The following RERE variants were observed in gnomAD, a reference collection of about 807,000 sequenced individuals.
RERE encodes the protein arginine-glutamic acid dipeptide repeats protein.
A neutral mutation model predicts 146.1 loss-of-function variants in RERE; 40 were observed. That is an observed-to-expected ratio of 0.27 (90% confidence interval 0.21 to 0.36). The LOEUF is 0.36. RERE is among the 10% of genes least tolerant of loss of function. The pLI is 1.00. For synonymous variants in RERE, 1,003 were observed against 866.0 expected, an observed-to-expected ratio of 1.16 and a Z score of -2.78; for missense variants, 1,933 against 2,138.7, an observed-to-expected ratio of 0.90 and a Z score of 1.90.
intron 1 of RERE, among the ~76,000 whole-genome samples, chr1:8,784,040 T>C (rs542532451): frequency 6.6e-6 from 1 of 152,290 alleles, no homozygotes; most frequent in South Asian, 2.1e-4. Flanking sequence ...GCACAATAAA[T>C]GTCTGTTGTG....
At chr1:8,597,174 G>C (rs1196969065) in intron 4 of RERE, among the ~76,000 whole-genome samples, 1 of 151,312 alleles carries the variant, frequency 6.6e-6, no homozygotes, top group East Asian at 1.9e-4. Flanking sequence ...TGCAGCCTCA[G>C]CATCCCAGGT....
At chr1:8,666,405 C>T (rs926843026) in intron 1 of RERE, among the ~76,000 whole-genome samples, 2 of 152,256 alleles carry the variant, frequency 1.3e-5, no homozygotes, top group African/African-American at 4.8e-5. Context: ...GGAAGACCTA[C>T]ATGAACATCT....
rs200458004 is a variant in RERE at position 8,588,956 on chromosome 1, TCTA to T, written c.522+25602_522+25604del. The stretch of plus-strand genomic sequence containing the variant: ...CTGGCCAACATGGTGAAACCCCATC[TCTA>T]CTAAAAATACAAACATCAGCTGGGT... On this transcript the variant is annotated intron_variant, in intron 4 of 22. Coordinates refer to ENST00000400908, the MANE Select transcript of RERE (RefSeq NM_001042681.2). 8.9e-4 allele frequency among the ~76,000 whole-genome samples: 135 copies of T among 151,836 alleles called. 5 individuals carry two copies. The East Asian group carries it at 0.025, about 29-fold the overall frequency.
intron 10 of RERE, among the ~76,000 whole-genome samples, chr1:8,467,779 G>T (rs1359474828): frequency 6.6e-6 from 1 of 152,076 alleles, no homozygotes; most frequent in Non-Finnish European, 1.5e-5. Context: ...TGAGTAGCTG[G>T]GATTACAGGC....
chr1:8,752,226 C>A (rs1412008321), intron 1 of RERE, among the ~76,000 whole-genome samples: 1 of 152,076 alleles, frequency 6.6e-6, no homozygotes, highest in African/African-American at 2.4e-5. Context: ...TTCACTATCA[C>A]CCAGAAGGCG....
intron 4 of RERE, among the ~76,000 whole-genome samples, chr1:8,581,039 G>C (rs1441353669): frequency 6.6e-6 from 1 of 152,108 alleles, no homozygotes; most frequent in Non-Finnish European, 1.5e-5. Context: ...TCATAGGGCA[G>C]ATTCATATTT....
At chr1:8,771,126 T>G (rs1304925621) in intron 1 of RERE, among the ~76,000 whole-genome samples, 2 of 151,452 alleles carry the variant, frequency 1.3e-5, no homozygotes, top group Non-Finnish European at 2.9e-5. Flanking sequence ...ACCCACCTGC[T>G]GGGGGGGGAA....
intron 12 of RERE, among the ~76,000 whole-genome samples, chr1:8,412,030 GGAA>G (rs1473264557): frequency 1.3e-5 from 2 of 152,180 alleles, no homozygotes; most frequent in Non-Finnish European, 2.9e-5. Context: ...AGCACTTGTG[GGAA>G]GAAGAACCAA....
intron 2 of RERE, among the ~76,000 whole-genome samples, chr1:8,650,906 A>T (rs1005315242): frequency 9.0e-5 from 13 of 143,972 alleles, no homozygotes; most frequent in Non-Finnish European, 1.7e-4. Flanking sequence ...AAAAAAAAAT[A>T]AAAATTAAAT....
At position 8,360,507 on chromosome 1, in the gene RERE, C is replaced by T. The variant is rs750196880; in HGVS notation, c.3000G>A (p.Ser1000=). The change falls in exon 18 of 23, where the codon TCG becomes TCA. Residue 1000 remains serine (S), a synonymous_variant. Coordinates refer to ENST00000400908, the MANE Select transcript of RERE (RefSeq NM_001042681.2). ...LMPQSQPLPS[S]PAQPPGLTQS... ...GGGTCAGCCCGGGGGGCTGGGCGGG[C>T]GAGGAGGGCAATGGCTGGCTCTGAG... 79 of 1,303,440 alleles carry T rather than the reference C, an allele frequency of 6.1e-5. No homozygotes were observed. The highest frequency in any genetic ancestry group is 5.8e-5 in the Non-Finnish European group (58 of 1,007,214). The allele number at this position is 1,303,440 out of a possible 1,614,324, so 80.7% of individuals were successfully genotyped here.
At chr1:8,786,781 T>G (rs1641267285) in intron 1 of RERE, 3 of 796,020 alleles carry the variant, frequency 3.8e-6, no homozygotes, top group Non-Finnish European at 4.5e-6. Context: ...GCACTATGCT[T>G]TTTCATAAAT....
intron 1 of RERE, chr1:8,798,413 A>T (rs919063904): frequency 1.3e-5 from 2 of 152,720 alleles, no homozygotes; most frequent in African/African-American, 4.8e-5. Context: ...AAAAAAATAA[A>T]AATAAAAATA....
intron 1 of RERE, among the ~76,000 whole-genome samples, chr1:8,721,953 A>G (rs981821311): frequency 2.0e-5 from 3 of 152,182 alleles, no homozygotes; most frequent in Non-Finnish European, 4.4e-5. Context: ...TGCAGATACT[A>G]CTTTTTCTCA....
At chr1:8,786,143 C>G (rs535539467) in intron 1 of RERE, 14 of 505,422 alleles carry the variant, frequency 2.8e-5, no homozygotes, top group African/African-American at 2.4e-4. Flanking sequence ...AACTTGAGAG[C>G]AGCTACTGTT....
At chr1:8,680,085 G>T (rs1230243639) in intron 1 of RERE, among the ~76,000 whole-genome samples, 1 of 152,122 alleles carries the variant, frequency 6.6e-6, no homozygotes, top group South Asian at 2.1e-4. Flanking sequence ...TAGCGGGTAG[G>T]GGTGCAAGAG....
At chr1:8,451,201 C>T (rs552718832) in intron 11 of RERE, among the ~76,000 whole-genome samples, 2 of 152,142 alleles carry the variant, frequency 1.3e-5, no homozygotes, top group Non-Finnish European at 2.9e-5. Flanking sequence ...GAGGCTGAGG[C>T]GGGTGGATCA....
intron 1 of RERE, among the ~76,000 whole-genome samples, chr1:8,798,132 C>A (rs1257586150): frequency 6.6e-6 from 1 of 152,142 alleles, no homozygotes; most frequent in Non-Finnish European, 1.5e-5. Context: ...CAGTGGCTCA[C>A]GCCTGTAATC....
intron 7 of RERE, among the ~76,000 whole-genome samples, chr1:8,528,410 AT>A (rs55896960): frequency 0.16 from 24,845 of 152,196 alleles, 2,338 homozygotes; most frequent in Middle Eastern, 0.29. Flanking sequence ...ACTATATCAT[AT>A]TGTATTAATG....
intron 10 of RERE, among the ~76,000 whole-genome samples, chr1:8,470,947 T>C (rs1644675973): frequency 6.9e-6 from 1 of 145,130 alleles, no homozygotes; most frequent in Admixed American, 7.2e-5. Context: ...GCCTCCCGAG[T>C]ACCTGGGACT....
Sources: allele counts gnomAD v4.1 joint callset (sites outside exome capture counted in the v4.1 genomes callset), GRCh38; gene constraint gnomAD v4.1.1; transcripts MANE v1.5; gene names NCBI Gene and HGNC (gene_info 2026-07-23, HGNC 2026-07-21).